GRAMD1B: variants seen among roughly 807,000 people sequenced by gnomAD.
GRAMD1B encodes the protein protein Aster-B.
A neutral mutation model predicts 99.7 loss-of-function variants in GRAMD1B; 37 were observed. That is an observed-to-expected ratio of 0.37 (90% CI 0.29 to 0.49). The LOEUF (loss-of-function observed/expected upper bound fraction) is 0.49, where lower values mean the gene tolerates loss of function less well. Ranked by LOEUF, GRAMD1B falls within the 20% of genes least tolerant of loss-of-function variation. The pLI, the probability that GRAMD1B is intolerant of heterozygous loss-of-function variation, is 0.98. For missense variants in GRAMD1B, 888 were observed against 1,009.2 expected (o/e 0.88, Z 1.63); for synonymous variants, 427 against 387.6 (o/e 1.10, Z -1.19).
intron 2 of GRAMD1B, among the ~76,000 whole-genome samples, chr11:123,495,616 A>G (rs1939153069): frequency 6.6e-6 from 1 of 150,634 alleles, no homozygotes; most frequent in Admixed American, 6.6e-5. Flanking sequence ...CCATGAGTTC[A>G]ATTGTTTTGC....
At chr11:123,413,712 C>T (rs1198064593) in intron 1 of GRAMD1B, among the ~76,000 whole-genome samples, 5 of 152,064 alleles carry the variant, frequency 3.3e-5, no homozygotes, top group Non-Finnish European at 4.4e-5. Flanking sequence ...CATCCAGGAC[C>T]GCAGTCCCAC....
intron 1 of GRAMD1B, among the ~76,000 whole-genome samples, chr11:123,418,690 G>A (rs1432363238): frequency 6.6e-6 from 1 of 152,168 alleles, no homozygotes; most frequent in East Asian, 1.9e-4. Flanking sequence ...AAATGGCAGG[G>A]CTGAAGCAGA....
At chr11:123,544,012 G>C (rs1340109008) in intron 2 of GRAMD1B, among the ~76,000 whole-genome samples, 2 of 152,190 alleles carry the variant, frequency 1.3e-5, no homozygotes, top group Non-Finnish European at 2.9e-5. Context: ...ATTCTGAGTT[G>C]TTTTTCCACA....
intron 1 of GRAMD1B, among the ~76,000 whole-genome samples, chr11:123,461,542 T>G (rs1490999528): frequency 6.6e-6 from 1 of 152,236 alleles, no homozygotes; most frequent in Non-Finnish European, 1.5e-5. Context: ...CTGCTCTGTC[T>G]TTTTTGGATT....
chr11:123,397,648 T>G (rs1310823283), intron 1 of GRAMD1B, among the ~76,000 whole-genome samples: 1 of 151,902 alleles, frequency 6.6e-6, no homozygotes, highest in Non-Finnish European at 1.5e-5. Context: ...GACCCCAGAG[T>G]GTGCCGCCAC....
intron 1 of GRAMD1B, among the ~76,000 whole-genome samples, chr11:123,369,373 C>T (rs957003310): frequency 3.3e-5 from 5 of 151,692 alleles, no homozygotes; most frequent in African/African-American, 1.2e-4. Flanking sequence ...GGAGAGGTTG[C>T]AAATATAGAA....
At chr11:123,445,498 T>A (rs1241824788) in intron 1 of GRAMD1B, among the ~76,000 whole-genome samples, 2 of 152,030 alleles carry the variant, frequency 1.3e-5, no homozygotes, top group Non-Finnish European at 2.9e-5. Flanking sequence ...CACATCTTCC[T>A]GATCAGAAAA....
chr11:123,412,286 G>T (rs1476845880), intron 1 of GRAMD1B, among the ~76,000 whole-genome samples: 1 of 152,172 alleles, frequency 6.6e-6, no homozygotes, highest in Non-Finnish European at 1.5e-5. Context: ...TTCTCTTGCA[G>T]AATAAATAAT....
chr11:123,476,747 A>G (rs895923792), intron 1 of GRAMD1B, among the ~76,000 whole-genome samples: 3 of 151,782 alleles, frequency 2.0e-5, no homozygotes, highest in African/African-American at 7.3e-5. Flanking sequence ...TGCTGGGTAC[A>G]TGAGAGTGGT....
At chr11:123,410,284 G>A (rs1422663651) in intron 1 of GRAMD1B, among the ~76,000 whole-genome samples, 4 of 151,772 alleles carry the variant, frequency 2.6e-5, no homozygotes, top group African/African-American at 9.7e-5. Context: ...AAAAAAAAAA[G>A]TGTGTGTGTT....
intron 1 of GRAMD1B, among the ~76,000 whole-genome samples, chr11:123,476,638 A>G (rs1056397149): frequency 1.3e-5 from 2 of 152,220 alleles, no homozygotes; most frequent in Non-Finnish European, 2.9e-5. Context: ...CTGTTGTTGC[A>G]TCACAGTCCA....
intron 2 of GRAMD1B, among the ~76,000 whole-genome samples, chr11:123,574,325 T>C (rs1254248974): frequency 6.6e-6 from 1 of 152,118 alleles, no homozygotes; most frequent in Non-Finnish European, 1.5e-5. Flanking sequence ...TTTTGAGGAT[T>C]TGGGACTTTA....
chr11:123,489,038 G>T (rs531945837), intron 2 of GRAMD1B, among the ~76,000 whole-genome samples: 4 of 152,184 alleles, frequency 2.6e-5, no homozygotes, highest in African/African-American at 7.2e-5. Flanking sequence ...CATGGAAGTG[G>T]GGCAGATTCA....
chr11:123,391,489 T>C (rs891189156), intron 1 of GRAMD1B, among the ~76,000 whole-genome samples: 2 of 152,144 alleles, frequency 1.3e-5, no homozygotes, highest in Non-Finnish European at 2.9e-5. Context: ...GAGAGTCTCG[T>C]TCTGTCACCC....
At chr11:123,417,149 C>T (rs1591476256) in intron 1 of GRAMD1B, among the ~76,000 whole-genome samples, 1 of 152,126 alleles carries the variant, frequency 6.6e-6, no homozygotes, top group Non-Finnish European at 1.5e-5. Context: ...CCGAGATGGG[C>T]GGACCACGAG....
chr11:123,590,041 T>C (rs766811116), intron 4 of GRAMD1B, among the ~76,000 whole-genome samples: 1 of 152,192 alleles, frequency 6.6e-6, no homozygotes, highest in Non-Finnish European at 1.5e-5. Context: ...TCTTGCCCCA[T>C]TGGCCTGGCT....
chr11:123,522,539 G>A (rs866114241), intron 2 of GRAMD1B, among the ~76,000 whole-genome samples: 15 of 152,080 alleles, frequency 9.9e-5, no homozygotes, highest in African/African-American at 2.7e-4. Flanking sequence ...GGCTGGTTTC[G>A]AACTCCTAAC....
At chr11:123,548,505 G>A (rs1945303601) in intron 2 of GRAMD1B, among the ~76,000 whole-genome samples, 1 of 151,672 alleles carries the variant, frequency 6.6e-6, no homozygotes, top group South Asian at 2.1e-4. Context: ...GAGAAATAGG[G>A]GAAGTTCTCT....
At chr11:123,566,046 A>T (rs1326294801) in intron 2 of GRAMD1B, among the ~76,000 whole-genome samples, 2 of 152,154 alleles carry the variant, frequency 1.3e-5, no homozygotes, top group South Asian at 2.1e-4. Context: ...TAGGAACAGG[A>T]TTCAGTTTCT....
Sources: allele counts gnomAD v4.1 joint callset (sites outside exome capture counted in the v4.1 genomes callset), GRCh38; gene constraint gnomAD v4.1.1; transcripts MANE v1.5; gene names NCBI Gene and HGNC (gene_info 2026-07-23, HGNC 2026-07-21).